CPLX2: variants seen among roughly 807,000 people sequenced by gnomAD.
CPLX2 encodes complexin-2.
In CPLX2, 5 loss-of-function variants were observed where a neutral mutation model predicts 16.3. That is an observed-to-expected ratio of 0.31 (90% CI 0.16 to 0.64). The LOEUF (loss-of-function observed/expected upper bound fraction) is 0.64. Ranked by LOEUF, CPLX2 falls within the 30% of genes least tolerant of loss-of-function variation. The pLI is 0.79. For synonymous variants in CPLX2, 89 were observed against 73.2 expected (o/e 1.22, Z -1.10); for missense variants, 144 against 181.4 (o/e 0.79, Z 1.18).
At chr5:175,839,209 T>C (rs1409996726) in intron 2 of CPLX2, among the ~76,000 whole-genome samples, 2 of 152,228 alleles carry the variant, frequency 1.3e-5, no homozygotes, top group Admixed American at 6.5e-5. Context: ...AAGCATGTTT[T>C]TCTTTTTAAT....
chr5:175,862,009 A>G (rs1759382770), intron 2 of CPLX2, among the ~76,000 whole-genome samples: 1 of 152,138 alleles, frequency 6.6e-6, no homozygotes, highest in Non-Finnish European at 1.5e-5. Context: ...GAGCCCAGAG[A>G]CATGAAGCCA....
chr5:175,848,277 A>G (rs571274731), intron 2 of CPLX2, among the ~76,000 whole-genome samples: 2 of 152,306 alleles, frequency 1.3e-5, no homozygotes, highest in East Asian at 3.9e-4. Flanking sequence ...AAAGGCCCCA[A>G]AAAGGAGGGA....
intron 2 of CPLX2, among the ~76,000 whole-genome samples, chr5:175,817,242 ATCTGGGT>A (rs1346861565): frequency 6.6e-6 from 1 of 152,234 alleles, no homozygotes; most frequent in Non-Finnish European, 1.5e-5. Context: ...AGCCAGAAAG[ATCTGGGT>A]TCAAATTCCA....
intron 2 of CPLX2, among the ~76,000 whole-genome samples, chr5:175,816,445 C>T (rs573019573): frequency 1.3e-5 from 2 of 152,346 alleles, no homozygotes; most frequent in East Asian, 1.9e-4. Context: ...GGATTACAGG[C>T]TTGAGCCACC....
chr5:175,879,682 G>C (rs1210065038), intron 3 of CPLX2, 166 bp from the exon 4 acceptor site: 1 of 725,296 alleles, frequency 1.4e-6, no homozygotes, highest in South Asian at 1.5e-5. Context: ...CTGAGGACCA[G>C]GCACCATCCT....
chr5:175,844,691 G>A (rs147485429), intron 2 of CPLX2, among the ~76,000 whole-genome samples: 113 of 152,372 alleles, frequency 7.4e-4, no homozygotes, highest in Middle Eastern at 3.4e-3. Context: ...GCCGGAGGCT[G>A]GCGGAGCTTG....
rs1003245697 is a variant in CPLX2, at chr5:175,872,027, C to CGTCCT, written c.-89+323_-89+324insTCCTG. 1.3e-5 allele frequency: 2 copies of CGTCCT among 152,282 alleles called. No individual in the cohort carries two copies. Among genetic ancestry groups the CGTCCT allele is most frequent in the African/African-American group, 4.8e-5 (2 of 41,464 alleles). 9.4% of individuals were successfully genotyped at this position (152,282 alleles called of 1,614,324 possible). On this transcript the variant is annotated intron_variant, in intron 1 of 3. Transcript: ENST00000393745. The surrounding 1 kb of genome is among the most constrained non-coding windows in gnomAD (Gnocchi z 5.0). ...ACGGCCGGGGTCCCGGAGCCAGGAC[C>CGTCCT]GCCCCGGCTGCGGCGGAGACTCAAG...
At chr5:175,856,572 G>A (rs1022377139) in intron 2 of CPLX2, among the ~76,000 whole-genome samples, 2 of 152,206 alleles carry the variant, frequency 1.3e-5, no homozygotes, top group African/African-American at 4.8e-5. Context: ...GGAGAAGGAG[G>A]AGAGGTGTTG....
intron 2 of CPLX2, among the ~76,000 whole-genome samples, chr5:175,812,216 G>A (rs2113634501): frequency 1.3e-5 from 2 of 152,206 alleles, no homozygotes; most frequent in East Asian, 3.9e-4. Flanking sequence ...CATGCGGAGG[G>A]CAGCCAGCAC....
rs568049868 is a variant in CPLX2 at position 175,875,068 on chromosome 5, T to C, written c.-89+3363T>C. ...TCTTGAATCTGGCAATGGGAAAGCCTCTGGCGACTGATTACCGCAGTTTCA... is the reference window on the plus strand; with the variant it reads ...TCTTGAATCTGGCAATGGGAAAGCCCCTGGCGACTGATTACCGCAGTTTCA... On this transcript the variant is annotated intron_variant, in intron 1 of 3. Coordinates refer to ENST00000393745, the MANE Select transcript of CPLX2 (RefSeq NM_001008220.2). 2.6e-5 allele frequency among the ~76,000 whole-genome samples: 4 copies of C among 152,296 alleles called. No individual in the cohort carries two copies. In the South Asian group the frequency reaches 8.3e-4, roughly 32 times the overall value.
At chr5:175,820,370 C>G (rs555823432) in intron 2 of CPLX2, among the ~76,000 whole-genome samples, 1 of 152,338 alleles carries the variant, frequency 6.6e-6, no homozygotes, top group South Asian at 2.1e-4. Flanking sequence ...GCCCAGGCCC[C>G]CTCTCCCTGG....
rs1384116642 is a variant in CPLX2 at position 175,883,176 on chromosome 5, C to T, written c.*3131C>T. ...CAGGTGAGGTGAGCGTGTGTGCTCTCAGGGAAGGGCCCAGGATCCCATGCC... is the reference window on the plus strand; with the variant it reads ...CAGGTGAGGTGAGCGTGTGTGCTCTTAGGGAAGGGCCCAGGATCCCATGCC... On this transcript the variant is annotated 3_prime_UTR_variant, in exon 4 of 4. Transcript: ENST00000393745. 1 of 152,284 alleles carries T rather than the reference C, an allele frequency of 6.6e-6. No individual in the cohort carries two copies. The highest frequency in any genetic ancestry group is 1.5e-5 in the Non-Finnish European group (1 of 68,086). The allele number at this position is 152,284 out of a possible 1,614,324, so 9.4% of individuals were successfully genotyped here. A position where few individuals can be genotyped will look rare whatever the true frequency, so the allele number is the denominator to read the frequency against.
At chr5:175,879,600 G>A (rs1400087603) in intron 3 of CPLX2, 2 of 636,816 alleles carry the variant, frequency 3.1e-6, no homozygotes, top group Non-Finnish European at 5.7e-6. Flanking sequence ...ATCTTTGGGG[G>A]TTTCAACACA....
intron 1 of CPLX2, among the ~76,000 whole-genome samples, chr5:175,802,623 C>T (rs945716737): frequency 2.0e-5 from 3 of 152,172 alleles, no homozygotes; most frequent in Non-Finnish European, 4.4e-5. Context: ...ACATCAGGAA[C>T]ACCTCTGCAG....
intron 2 of CPLX2, among the ~76,000 whole-genome samples, chr5:175,866,007 G>C (rs1398388953): frequency 6.6e-6 from 1 of 152,208 alleles, no homozygotes; most frequent in African/African-American, 2.4e-5. Flanking sequence ...CTGCAACTCT[G>C]TTATTCTATT....
intron 2 of CPLX2, among the ~76,000 whole-genome samples, chr5:175,840,602 AG>A (rs1758927557): frequency 6.6e-6 from 1 of 152,324 alleles, no homozygotes; most frequent in South Asian, 2.1e-4. Flanking sequence ...CCTTTCATGG[AG>A]GACGAAAAAT....
At chr5:175,851,421 G>A (rs1459487568) in intron 2 of CPLX2, among the ~76,000 whole-genome samples, 2 of 152,198 alleles carry the variant, frequency 1.3e-5, no homozygotes, top group African/African-American at 4.8e-5. Flanking sequence ...GGCATCCCAG[G>A]CAGAGGCACG....
intron 2 of CPLX2, among the ~76,000 whole-genome samples, chr5:175,859,501 AAGGCACTGCTCTTGC>A (rs781248379): frequency 2.0e-5 from 3 of 152,234 alleles, no homozygotes; most frequent in Non-Finnish European, 4.4e-5. Flanking sequence ...AAGGGCACCA[AAGGCACTGCTCTTGC>A]AGGCAAATGT....
At chr5:175,817,570 C>T (rs1581073080) in intron 2 of CPLX2, among the ~76,000 whole-genome samples, 1 of 152,170 alleles carries the variant, frequency 6.6e-6, no homozygotes, top group African/African-American at 2.4e-5. Flanking sequence ...CTGCCCCCCT[C>T]GCCCTACAAG....
Sources: allele counts gnomAD v4.1 joint callset (sites outside exome capture counted in the v4.1 genomes callset), GRCh38; gene constraint gnomAD v4.1.1; non-coding constraint Gnocchi (gnomAD v3.1); transcripts MANE v1.5; gene names NCBI Gene and HGNC (gene_info 2026-07-23, HGNC 2026-07-21).